FARS2: variants seen among roughly 807,000 people sequenced by gnomAD.
The protein encoded by FARS2 is phenylalanyl-tRNA synthetase 2, mitochondrial.
In FARS2, 40 loss-of-function variants were observed where a neutral mutation model predicts 46.4. The ratio of observed to expected loss-of-function variants is 0.86; its 90% confidence interval spans 0.67 to 1.12. The LOEUF (loss-of-function observed/expected upper bound fraction) is 1.12, where lower values mean the gene tolerates loss of function less well. Ranked by LOEUF, FARS2 falls within the 50% of genes most tolerant of loss-of-function variation. FARS2 has a pLI of 0.00. For missense variants in FARS2, 513 were observed against 567.9 expected, an observed-to-expected ratio of 0.90 and a Z score of 0.98; for synonymous variants, 234 against 214.9, an observed-to-expected ratio of 1.09 and a Z score of -0.78.
intron 1 of FARS2, among the ~76,000 whole-genome samples, chr6:5,283,826 C>T (rs2127868333): frequency 6.6e-6 from 1 of 152,222 alleles, no homozygotes; most frequent in Non-Finnish European, 1.5e-5. Context: ...TAGCCAGTCC[C>T]CAATCAATAA....
chr6:5,353,315 G>T (rs1293949260), intron 1 of FARS2, among the ~76,000 whole-genome samples: 1 of 152,102 alleles, frequency 6.6e-6, no homozygotes, highest in Non-Finnish European at 1.5e-5. Flanking sequence ...ATAGATACTT[G>T]AGTCGATTCC....
At chr6:5,397,518 G>A (rs926209736) in intron 2 of FARS2, among the ~76,000 whole-genome samples, 1 of 152,216 alleles carries the variant, frequency 6.6e-6, no homozygotes, top group African/African-American at 2.4e-5. Flanking sequence ...GATGCTGATA[G>A]TGGAGGAGGC....
At chr6:5,577,239 T>C (rs149961733) in intron 5 of FARS2, among the ~76,000 whole-genome samples, 22 of 152,296 alleles carry the variant, frequency 1.4e-4, no homozygotes, top group African/African-American at 5.3e-4. Flanking sequence ...AAGGTAATTA[T>C]AGATATAATT....
chr6:5,386,448 C>A (rs185121564), intron 2 of FARS2, among the ~76,000 whole-genome samples: 1 of 152,058 alleles, frequency 6.6e-6, no homozygotes, highest in Non-Finnish European at 1.5e-5. Context: ...GTGAGGCAAT[C>A]GTTCAGGTTG....
intron 4 of FARS2, among the ~76,000 whole-genome samples, chr6:5,513,721 C>T (rs1768597155): frequency 6.6e-6 from 1 of 152,110 alleles, no homozygotes; most frequent in Non-Finnish European, 1.5e-5. Flanking sequence ...GTTTATTAAG[C>T]GTTTAGTTTC....
intron 6 of FARS2, among the ~76,000 whole-genome samples, chr6:5,620,746 C>T (rs60488006): frequency 0.017 from 2,601 of 152,316 alleles, 74 homozygotes; most frequent in African/African-American, 0.055. Flanking sequence ...TTCTGATGGT[C>T]TCAACAAAGG....
chr6:5,307,366 T>C (rs1013534992), intron 1 of FARS2, among the ~76,000 whole-genome samples: 7 of 152,220 alleles, frequency 4.6e-5, no homozygotes, highest in African/African-American at 1.7e-4. Flanking sequence ...TTTCCAATTA[T>C]AAATTATCCT....
At chr6:5,466,259 T>G (rs1765508203) in intron 4 of FARS2, among the ~76,000 whole-genome samples, 1 of 152,226 alleles carries the variant, frequency 6.6e-6, no homozygotes, top group African/African-American at 2.4e-5. Context: ...TCACAGATCC[T>G]GCCTCTGCCC....
chr6:5,771,249 T>A, intron 6 of FARS2, 42 bp from the exon 7 acceptor site: 1 of 1,612,434 alleles, frequency 6.2e-7, no homozygotes, highest in Non-Finnish European at 8.5e-7. Flanking sequence ...AGGCACAGCC[T>A]TGTTCATCCC....
intron 4 of FARS2, among the ~76,000 whole-genome samples, chr6:5,515,743 G>T (rs1173697175): frequency 6.6e-6 from 1 of 152,050 alleles, no homozygotes; most frequent in Admixed American, 6.5e-5. Context: ...ATTTGATTTT[G>T]ACTGTGTGTT....
chr6:5,325,424 G>T (rs1770301973), intron 1 of FARS2, among the ~76,000 whole-genome samples: 1 of 152,264 alleles, frequency 6.6e-6, no homozygotes, highest in Non-Finnish European at 1.5e-5. Context: ...GACTGGCATG[G>T]TTCCCAGTGC....
intron 1 of FARS2, among the ~76,000 whole-genome samples, chr6:5,321,785 C>G (rs1184356190): frequency 6.6e-6 from 1 of 152,128 alleles, no homozygotes; most frequent in African/African-American, 2.4e-5. Flanking sequence ...CTAAATCTGC[C>G]TTATATATTG....
chr6:5,395,054 G>C (rs1760814294), intron 2 of FARS2, among the ~76,000 whole-genome samples: 1 of 151,732 alleles, frequency 6.6e-6, no homozygotes. Context: ...CGTCAACATT[G>C]TGCTGATTGG....
At chr6:5,759,467 A>T (rs1762377217) in intron 6 of FARS2, among the ~76,000 whole-genome samples, 1 of 152,182 alleles carries the variant, frequency 6.6e-6, no homozygotes, top group African/African-American at 2.4e-5. Flanking sequence ...TTCCACCATT[A>T]GGTCCTCAGT....
intron 1 of FARS2, among the ~76,000 whole-genome samples, chr6:5,290,185 A>G (rs1027444318): frequency 1.8e-4 from 27 of 152,176 alleles, no homozygotes; most frequent in African/African-American, 6.5e-4. Context: ...TCTTAAGTCA[A>G]TGACATTTTA....
chr6:5,495,525 A>G lies in FARS2; in HGVS notation c.905-49655A>G, dbSNP rs541930321. Among the ~76,000 whole-genome samples, 11 of 152,346 alleles carry G rather than the reference A, an allele frequency of 7.2e-5. No individual in the cohort carries two copies. In the South Asian group the frequency reaches 2.1e-3, roughly 29 times the overall value. Reference sequence around the variant, plus strand: ...GGTCTAGTCTAATAGAAACATGGAAAGGTGCAAAAAAAGAATCTGGAGCTA... The same window carrying G: ...GGTCTAGTCTAATAGAAACATGGAAGGGTGCAAAAAAAGAATCTGGAGCTA... On this transcript the variant is annotated intron_variant, in intron 4 of 6. Transcript: ENST00000274680.
intron 6 of FARS2, among the ~76,000 whole-genome samples, chr6:5,632,010 G>A (rs4959342): frequency 0.2 from 30,835 of 151,940 alleles, 3,186 homozygotes; most frequent in East Asian, 0.37. Flanking sequence ...CTTTTTCATC[G>A]GTAAATATGA....
chr6:5,543,067 A>G (rs1427780028), intron 4 of FARS2, among the ~76,000 whole-genome samples: 1 of 152,152 alleles, frequency 6.6e-6, no homozygotes. Flanking sequence ...TGTTGAGTGG[A>G]ATGTCATGTG....
upstream of FARS2, chr6:5,261,014 C>T (rs1765071987): frequency 2.9e-6 from 3 of 1,051,206 alleles, no homozygotes; most frequent in African/African-American, 5.1e-5. Flanking sequence ...CCCGCCCCCG[C>T]CCGGAGGCTC....
Sources: allele counts gnomAD v4.1 joint callset (sites outside exome capture counted in the v4.1 genomes callset), GRCh38; gene constraint gnomAD v4.1.1; transcripts MANE v1.5; gene names NCBI Gene and HGNC (gene_info 2026-07-23, HGNC 2026-07-21).